KLHL13: variants seen among roughly 807,000 people sequenced by gnomAD.
KLHL13 encodes the protein kelch like family member 13, also known as kelch-like protein 13.
Under a neutral mutation model 37.1 loss-of-function variants are expected in KLHL13, and 10 were observed. The ratio of observed to expected loss-of-function variants is 0.27; its 90% CI spans 0.17 to 0.46. The LOEUF is 0.46. Ranked by LOEUF, KLHL13 falls within the 20% of genes least tolerant of loss-of-function variation. The pLI, the probability that KLHL13 is intolerant of heterozygous loss-of-function variation, is 1.00. For missense variants in KLHL13, 360 were observed against 509.3 expected, an observed-to-expected ratio of 0.71 and a Z score of 2.82; for synonymous variants, 163 against 181.2, an observed-to-expected ratio of 0.90 and a Z score of 0.81.
chrX:117,898,696 G>T, exon 7 of KLHL13: 1 of 384,351 alleles, frequency 2.6e-6, no homozygotes, highest in Non-Finnish European at 4.4e-6. Flanking sequence ...CAGCTTCTAT[G>T]GGATACATTT....
chrX:118,001,024 T>A (rs1283689046), intron 1 of KLHL13, among the ~76,000 whole-genome samples: 1 of 112,116 alleles, frequency 8.9e-6, no homozygotes, highest in African/African-American at 3.2e-5. Flanking sequence ...AAAGAGCATT[T>A]GAACAAGCAA....
At chrX:118,115,846 T>C (rs1434441168) in intron 1 of KLHL13, among the ~76,000 whole-genome samples, 2 of 112,626 alleles carry the variant, frequency 1.8e-5, no homozygotes, top group Admixed American at 9.4e-5. Flanking sequence ...GTTCCCTAGT[T>C]GATATTTACT....
intron 1 of KLHL13, among the ~76,000 whole-genome samples, chrX:118,009,972 C>CA (rs959035919): frequency 1.8e-5 from 2 of 110,047 alleles, no homozygotes; most frequent in African/African-American, 6.6e-5. Flanking sequence ...TTTATGCAGC[C>CA]AAAAAACAAT....
chrX:117,944,096 T>G (rs1271266544), intron 2 of KLHL13, among the ~76,000 whole-genome samples: 6 of 111,163 alleles, frequency 5.4e-5, no homozygotes, highest in Non-Finnish European at 1.1e-4. Context: ...CTGCTGCAGA[T>G]CTGCTAGAGG....
chrX:117,926,885 C>CTTTTTTTTTTTTTTTTTTTTTTTTTTTTT (rs10596292), intron 2 of KLHL13, among the ~76,000 whole-genome samples: 1 of 26,155 alleles, frequency 3.8e-5, no homozygotes, highest in African/African-American at 1.1e-4. Flanking sequence ...CCCCCTACTT[C>CTTTTTTTTTTTTTTTTTTTTTTTTTTTTT]TTTTTTTTTT....
intron 1 of KLHL13, among the ~76,000 whole-genome samples, chrX:118,006,937 C>T (rs1235272274): frequency 1.8e-5 from 2 of 111,487 alleles, no homozygotes; most frequent in Non-Finnish European, 3.8e-5. Flanking sequence ...CCCTTCATAT[C>T]ACATGAGTAA....
At chrX:118,032,379 C>A (rs1006536439) in intron 1 of KLHL13, among the ~76,000 whole-genome samples, 3 of 111,793 alleles carry the variant, frequency 2.7e-5, no homozygotes, top group Non-Finnish European at 5.6e-5. Context: ...TCTCCCAGCA[C>A]GCAGCTGGAG....
chrX:118,009,657 T>C (rs1311523373), intron 1 of KLHL13, among the ~76,000 whole-genome samples: 29 of 36,106 alleles, frequency 8.0e-4, no homozygotes, highest in Admixed American at 1.2e-3. Flanking sequence ...ACTGTAGCCT[T>C]GTAGTATAGT....
At chrX:117,929,936 T>C (rs1033687253) in intron 2 of KLHL13, among the ~76,000 whole-genome samples, 1 of 109,377 alleles carries the variant, frequency 9.1e-6, no homozygotes, top group African/African-American at 3.3e-5. Context: ...CACTCCAGTC[T>C]GGGTGACAGA....
At chrX:118,054,447 A>T (rs2054665131) in intron 1 of KLHL13, among the ~76,000 whole-genome samples, 1 of 111,763 alleles carries the variant, frequency 8.9e-6, no homozygotes, top group African/African-American at 3.2e-5. Flanking sequence ...AAAAAAAAAC[A>T]TCATTTTGCT....
intron 1 of KLHL13, among the ~76,000 whole-genome samples, chrX:118,002,277 T>C (rs1051423920): frequency 2.7e-5 from 3 of 110,812 alleles, no homozygotes; most frequent in Non-Finnish European, 5.7e-5. Context: ...AAGTGCTAAG[T>C]GTTATGATAG....
upstream of KLHL13, chrX:117,973,816 A>AC (rs2053562195): frequency 5.5e-6 from 3 of 543,496 alleles, no homozygotes; most frequent in African/African-American, 4.3e-5. Flanking sequence ...CCTCTTGTTC[A>AC]CCACCCCCCC....
At chrX:118,036,252 T>A (rs1403930717) in intron 1 of KLHL13, among the ~76,000 whole-genome samples, 1 of 110,135 alleles carries the variant, frequency 9.1e-6, no homozygotes, top group Non-Finnish European at 1.9e-5. Flanking sequence ...ACTTTAAAGT[T>A]CATATGGAAC....
At chrX:118,047,083 G>C (rs1189733372) in intron 1 of KLHL13, among the ~76,000 whole-genome samples, 1 of 111,741 alleles carries the variant, frequency 8.9e-6, no homozygotes, top group Non-Finnish European at 1.9e-5. Flanking sequence ...TAAGAGAAGG[G>C]GGGATGATTG....
At chrX:118,035,583 A>G (rs9782087) in intron 1 of KLHL13, among the ~76,000 whole-genome samples, 21,222 of 106,856 alleles carry the variant, frequency 0.2, 4,219 homozygotes, top group African/African-American at 0.58. Flanking sequence ...GGTATTGATG[A>G]GACATATCTC....
At position 118,031,440 on chromosome X, in the gene KLHL13, T is replaced by C. The variant is rs2054338753; in HGVS notation, c.-56+85068A>G. 5.6e-5 allele frequency among the ~76,000 whole-genome samples: 5 copies of C among 89,759 alleles called. No individual in the cohort carries two copies. In the South Asian group the frequency reaches 2.2e-3, roughly 39 times the overall value. The allele number at this position is 89,759 out of a possible 115,157, so 77.9% of individuals were successfully genotyped here. On this transcript the variant is annotated intron_variant, in intron 1 of 6. Coordinates refer to the KLHL13 transcript ENST00000371882. ...CAGGGAATATATATAGATATATATA[T>C]TTAGATATATATATAGATATATATA... is the stretch of plus-strand genomic sequence containing the variant.
intron 2 of KLHL13, among the ~76,000 whole-genome samples, chrX:117,923,888 T>C (rs918344718): frequency 4.5e-5 from 5 of 111,870 alleles, no homozygotes; most frequent in Non-Finnish European, 9.4e-5. Context: ...TTTCTCAGTA[T>C]AATCTGGTGT....
upstream of KLHL13, among the ~76,000 whole-genome samples, chrX:117,974,511 T>C (rs1411955893): frequency 1.8e-5 from 2 of 112,224 alleles, no homozygotes; most frequent in Non-Finnish European, 3.8e-5. Flanking sequence ...GGCTTTTTCA[T>C]CTGTATTTTA....
At chrX:117,951,494 G>A (rs1220552456) in intron 1 of KLHL13, among the ~76,000 whole-genome samples, 2 of 111,213 alleles carry the variant, frequency 1.8e-5, no homozygotes, top group African/African-American at 6.5e-5. Context: ...AATCAAGAAA[G>A]ATAAAGCTTT....
Sources: gnomAD v4.1 joint callset for allele counts (sites outside exome capture counted in the v4.1 genomes callset) on GRCh38, gnomAD v4.1.1 for gene constraint, MANE v1.5 for transcripts, NCBI Gene and HGNC (gene_info 2026-07-23, HGNC 2026-07-21) for gene names.